The following LYN variants were observed in gnomAD, a reference collection of about 807,000 sequenced individuals.
LYN encodes tyrosine-protein kinase Lyn.
In LYN, 12 loss-of-function variants were observed where a neutral mutation model predicts 65.0. The observed-to-expected ratio is 0.18, with a 90% CI of 0.12 to 0.30. The LOEUF is 0.30. Among genes scored for constraint, LYN ranks in the 10% least tolerant of loss-of-function variants. The probability of loss-of-function intolerance (pLI) is 1.00; values close to 1 mark genes in which losing one functional copy is unlikely to be tolerated. For missense variants in LYN, 380 were observed against 623.2 expected (o/e 0.61, Z 4.16); for synonymous variants, 222 against 221.2 (o/e 1.00, Z -0.03).
At chr8:55,903,204 G>A (rs539237033) in intron 1 of LYN, among the ~76,000 whole-genome samples, 1 of 152,188 alleles carries the variant, frequency 6.6e-6, no homozygotes, top group African/African-American at 2.4e-5. Flanking sequence ...TGTTGGCCAG[G>A]CTGGTCTCGA....
chr8:55,942,351 A>G (rs1806640646), intron 2 of LYN, among the ~76,000 whole-genome samples: 1 of 144,818 alleles, frequency 6.9e-6, no homozygotes, highest in Admixed American at 7.0e-5. Context: ...ATGTGTATAT[A>G]TATGTGTATA....
At chr8:55,900,539 A>ATTTTT (rs5891598) in intron 1 of LYN, among the ~76,000 whole-genome samples, 4 of 126,448 alleles carry the variant, frequency 3.2e-5, no homozygotes, top group Non-Finnish European at 5.0e-5. Flanking sequence ...TGCCCAGCTA[A>ATTTTT]TTTTTTTTTT....
Position 55,966,759 on chromosome 8 carries a change from C to T in LYN, c.835C>T (p.Pro279Ser), listed in dbSNP as rs201201305. ...CAAGGTGGCTGTGAAAACCCTGAAGCCAGGAACTATGTCTGTGCAAGCCTT... is the reference window on the plus strand; with the variant it reads ...CAAGGTGGCTGTGAAAACCCTGAAGTCAGGAACTATGTCTGTGCAAGCCTT... ...STKVAVKTLK[P>S]GTMSVQAFLE... The change falls in exon 9 of 13, where the codon CCA becomes TCA. Residue 279 changes from proline to serine, a missense_variant. By Grantham distance (74) the Pro-to-Ser change is moderately conservative (BLOSUM62 -1). Around this residue, in one of 2 missense-constraint regions of LYN, gnomAD observed 223 missense variants for 430.0 expected, o/e 0.52. Transcript: ENST00000519728. 1.1e-5 allele frequency: 18 copies of T among 1,614,054 alleles called. No individual in the cohort carries two copies. The highest frequency in any genetic ancestry group is 1.4e-5 in the Non-Finnish European group (17 of 1,179,982).
At chr8:55,954,766 T>C (rs1807054795) in intron 8 of LYN, among the ~76,000 whole-genome samples, 1 of 151,838 alleles carries the variant, frequency 6.6e-6, no homozygotes, top group African/African-American at 2.4e-5. Flanking sequence ...GCCAAGGAGG[T>C]CGAGGCTGCA....
intron 2 of LYN, among the ~76,000 whole-genome samples, chr8:55,945,730 A>AC (rs143749858): frequency 0.017 from 2,639 of 151,434 alleles, 62 homozygotes; most frequent in African/African-American, 0.055. Context: ...CCAATAACTC[A>AC]CCCCCCCACT....
intron 10 of LYN, among the ~76,000 whole-genome samples, chr8:55,970,555 A>C (rs929391703): frequency 2.0e-5 from 3 of 152,178 alleles, no homozygotes; most frequent in African/African-American, 7.2e-5. Context: ...GTATGTAGCA[A>C]AAGAGATTTA....
chr8:55,927,288 A>G (rs1806133929), intron 1 of LYN, among the ~76,000 whole-genome samples: 1 of 152,098 alleles, frequency 6.6e-6, no homozygotes, highest in African/African-American at 2.4e-5. Flanking sequence ...TGATCTTTTT[A>G]GTGTCTCCAT....
chr8:55,947,721 G>A lies in LYN; in HGVS notation c.282G>A (p.Glu94=). ...FKKGEKMKVL[E]EHGEWWKAKS... The stretch of plus-strand genomic sequence containing the variant: ...AAGGAGAGAAGATGAAAGTCCTGGA[G>A]GAGTAAGTGCTCTCAAGCACGCCAC... Residue 94 remains glutamate (E), a splice_region_variant and synonymous_variant, in exon 4 of 13, where the codon GAG becomes GAA. Transcript: ENST00000519728. The A allele has an allele frequency of 6.2e-7, 1 of 1,610,336 alleles. No individual in the cohort carries two copies. The highest frequency in any genetic ancestry group is 8.5e-7 in the Non-Finnish European group (1 of 1,176,668).
chr8:56,005,570 C>T (rs1808650051), intron 12 of LYN, among the ~76,000 whole-genome samples: 1 of 152,244 alleles, frequency 6.6e-6, no homozygotes, highest in Admixed American at 6.5e-5. Flanking sequence ...ACGTTGGTTG[C>T]ACTTTCTTCC....
At chr8:55,886,833 G>A (rs1054908106) in intron 1 of LYN, among the ~76,000 whole-genome samples, 1 of 152,172 alleles carries the variant, frequency 6.6e-6, no homozygotes, top group Non-Finnish European at 1.5e-5. Context: ...CAGTATTTGC[G>A]ATAGCCATCA....
intron 12 of LYN, among the ~76,000 whole-genome samples, chr8:56,005,710 G>A (rs1808654150): frequency 6.6e-6 from 1 of 152,176 alleles, no homozygotes; most frequent in African/African-American, 2.4e-5. Flanking sequence ...AAAATAGTGA[G>A]GAGGAGGCAA....
chr8:55,993,151 C>A (rs1429132657), intron 10 of LYN, among the ~76,000 whole-genome samples: 1 of 152,100 alleles, frequency 6.6e-6, no homozygotes. Context: ...GTTAAGGATG[C>A]CTTAACTTTA....
intron 9 of LYN, among the ~76,000 whole-genome samples, chr8:55,967,355 C>T (rs2130525586): frequency 7.3e-6 from 1 of 136,272 alleles, no homozygotes; most frequent in African/African-American, 2.8e-5. Context: ...CACACTGTTG[C>T]CCGGGCTGGA....
chr8:55,947,772 A>G, intron 4 of LYN, 49 bp downstream of exon 4: 1 of 1,265,724 alleles, frequency 7.9e-7, no homozygotes, highest in Non-Finnish European at 1.2e-6. Flanking sequence ...CAGGCCACTG[A>G]GTCCTGCAGG....
At chr8:55,947,826 C>T (rs1806829465) in intron 4 of LYN, 103 bp downstream of exon 4, 1 of 792,306 alleles carries the variant, frequency 1.3e-6, no homozygotes, top group East Asian at 2.5e-5. Context: ...ATAGCCCGGC[C>T]CCTTTCTTGT....
intron 12 of LYN, among the ~76,000 whole-genome samples, chr8:56,000,920 T>G (rs1417471952): frequency 6.6e-6 from 1 of 152,162 alleles, no homozygotes; most frequent in East Asian, 1.9e-4. Context: ...TGCCATGGTA[T>G]CTGCCCATGT....
At chr8:55,962,058 T>C (rs1222171539) in intron 8 of LYN, among the ~76,000 whole-genome samples, 2 of 152,256 alleles carry the variant, frequency 1.3e-5, no homozygotes, top group Non-Finnish European at 2.9e-5. Flanking sequence ...ATGTGCTCTT[T>C]TACGTCTTGC....
chr8:55,883,104 T>G (rs1459706384), intron 1 of LYN, among the ~76,000 whole-genome samples: 1 of 152,236 alleles, frequency 6.6e-6, no homozygotes, highest in Non-Finnish European at 1.5e-5. Context: ...AAAGCCCATT[T>G]GATAATAAAG....
chr8:55,924,642 G>A lies in LYN; in HGVS notation c.-5-17213G>A, dbSNP rs374087159. Among the ~76,000 whole-genome samples the A allele has an allele frequency of 7.9e-5, 12 of 152,134 alleles. No homozygotes were observed. In the South Asian group the frequency reaches 8.3e-4, roughly 11 times the overall value. ...GCCTCCCAAAGTGCTGAGATTACACGCATGAGCCACCGCGCCCAGCTGCAT... is the reference window on the plus strand; with the variant it reads ...GCCTCCCAAAGTGCTGAGATTACACACATGAGCCACCGCGCCCAGCTGCAT... On this transcript the variant is annotated intron_variant, in intron 1 of 12. Coordinates refer to ENST00000519728, the MANE Select transcript of LYN (RefSeq NM_002350.4).
Sources: allele counts gnomAD v4.1 joint callset (sites outside exome capture counted in the v4.1 genomes callset), GRCh38; gene constraint gnomAD v4.1.1; regional missense constraint gnomAD v4.1.1; transcripts MANE v1.5; gene names NCBI Gene and HGNC (gene_info 2026-07-23, HGNC 2026-07-21).